The following BMPER variants were observed in gnomAD, a reference collection of about 807,000 sequenced individuals.
The protein encoded by BMPER is BMP-binding endothelial regulator protein.
BMPER carries 45 observed loss-of-function variants against 87.3 expected under a neutral mutation model. The observed-to-expected ratio is 0.52, with a 90% CI of 0.41 to 0.66. BMPER has a LOEUF of 0.66. Among genes scored for constraint, BMPER ranks in the 30% least tolerant of loss-of-function variants. The pLI is 0.00. For missense variants in BMPER, 784 were observed against 867.5 expected (o/e 0.90, Z 1.21); for synonymous variants, 326 against 316.2 (o/e 1.03, Z -0.33).
intron 6 of BMPER, among the ~76,000 whole-genome samples, chr7:34,008,663 C>T (rs964883178): frequency 6.6e-6 from 1 of 151,720 alleles, no homozygotes; most frequent in African/African-American, 2.4e-5. Context: ...GCTGGCTAGC[C>T]CCTCAAGAAT....
intron 13 of BMPER, among the ~76,000 whole-genome samples, chr7:34,087,941 A>G (rs1789263027): frequency 1.3e-5 from 2 of 152,238 alleles, no homozygotes. Flanking sequence ...TGCAACAGAA[A>G]TATGATGAGC....
intron 13 of BMPER, among the ~76,000 whole-genome samples, chr7:34,113,512 T>A (rs1790034909): frequency 6.6e-6 from 1 of 151,706 alleles, no homozygotes; most frequent in Non-Finnish European, 1.5e-5. Flanking sequence ...ATCTGGAATT[T>A]ATTTTGGCCA....
chr7:33,970,579 G>A (rs373741873), intron 5 of BMPER, among the ~76,000 whole-genome samples, 160 bp downstream of exon 5: 1 of 152,158 alleles, frequency 6.6e-6, no homozygotes, highest in South Asian at 2.1e-4. Flanking sequence ...CCGCTTGGCT[G>A]CCTCGGTGTG....
chr7:34,024,179 G>A (rs548683966), intron 6 of BMPER, among the ~76,000 whole-genome samples: 65 of 150,302 alleles, frequency 4.3e-4, no homozygotes, highest in African/African-American at 1.5e-3. Flanking sequence ...TCAACATGGT[G>A]AAACCCTGCA....
chr7:34,152,364 C>G (rs1045460338), intron 14 of BMPER, among the ~76,000 whole-genome samples: 1 of 152,134 alleles, frequency 6.6e-6, no homozygotes, highest in Non-Finnish European at 1.5e-5. Flanking sequence ...AGAAAACTTC[C>G]AGAATGTTTG....
At chr7:34,115,847 C>T (rs1395719814) in intron 13 of BMPER, among the ~76,000 whole-genome samples, 3 of 152,080 alleles carry the variant, frequency 2.0e-5, no homozygotes, top group Non-Finnish European at 4.4e-5. Flanking sequence ...AGGATCCATA[C>T]CTAGAAGTGA....
At chr7:33,991,486 A>G (rs1368920110) in intron 6 of BMPER, among the ~76,000 whole-genome samples, 6 of 151,722 alleles carry the variant, frequency 4.0e-5, no homozygotes, top group Admixed American at 2.0e-4. Context: ...TTTTTATTGC[A>G]TCTATTTGAT....
chr7:33,924,771 G>A (rs1784321866), intron 2 of BMPER, among the ~76,000 whole-genome samples: 2 of 152,162 alleles, frequency 1.3e-5, no homozygotes, highest in African/African-American at 2.4e-5. Flanking sequence ...GGGCTCAAGC[G>A]ATTCTCCTGC....
chr7:33,912,439 A>T (rs1409291424), intron 2 of BMPER, among the ~76,000 whole-genome samples: 1 of 152,126 alleles, frequency 6.6e-6, no homozygotes, highest in Non-Finnish European at 1.5e-5. Context: ...GTTTTGAGGC[A>T]CTGGACTTGA....
intron 13 of BMPER, among the ~76,000 whole-genome samples, chr7:34,129,577 G>GGAGAGAGAGAGAGA (rs759886152): frequency 1.7e-3 from 81 of 47,742 alleles, no homozygotes; most frequent in Middle Eastern, 0.012. Flanking sequence ...AAGGAAGGAA[G>GGAGAGAGAGAGAGA]GAGAGAGAGA....
At chr7:33,945,996 G>A (rs1784884955) in intron 3 of BMPER, among the ~76,000 whole-genome samples, 1 of 152,102 alleles carries the variant, frequency 6.6e-6, no homozygotes, top group South Asian at 2.1e-4. Context: ...GGGGGAAGGT[G>A]TTTTAGTCCT....
intron 11 of BMPER, among the ~76,000 whole-genome samples, chr7:34,075,732 G>A (rs986530295): frequency 6.6e-6 from 1 of 152,126 alleles, no homozygotes; most frequent in Non-Finnish European, 1.5e-5. Flanking sequence ...ATTTCACTGG[G>A]TCCACTGGAA....
At chr7:33,950,677 C>T (rs1784996748) in intron 3 of BMPER, among the ~76,000 whole-genome samples, 2 of 152,154 alleles carry the variant, frequency 1.3e-5, no homozygotes, top group Admixed American at 1.3e-4. Context: ...GATAATAACT[C>T]AAGTTACACC....
intron 3 of BMPER, chr7:33,937,678 A>G (rs1188645151): frequency 2.5e-5 from 11 of 435,228 alleles, no homozygotes; most frequent in Non-Finnish European, 4.3e-5. Flanking sequence ...AGAAGAGTCA[A>G]CCACCATGCC....
intron 13 of BMPER, among the ~76,000 whole-genome samples, chr7:34,110,636 A>G (rs920567419): frequency 2.6e-5 from 4 of 152,154 alleles, no homozygotes; most frequent in African/African-American, 9.7e-5. Flanking sequence ...TTTAGGATGG[A>G]AAGGTTTAGT....
intron 2 of BMPER, among the ~76,000 whole-genome samples, chr7:33,936,737 C>T (rs547009827): frequency 1.6e-4 from 25 of 152,296 alleles, no homozygotes; most frequent in Admixed American, 1.1e-3. Flanking sequence ...AAAACACTGA[C>T]GTCCATGTCT....
chr7:34,151,426 A>G (rs1259661710), intron 14 of BMPER, among the ~76,000 whole-genome samples: 1 of 152,220 alleles, frequency 6.6e-6, no homozygotes, highest in Non-Finnish European at 1.5e-5. Flanking sequence ...AGGTAGTAGT[A>G]TGTGTAAAGA....
At chr7:34,146,538 T>G (rs891021765) in intron 14 of BMPER, among the ~76,000 whole-genome samples, 4 of 152,224 alleles carry the variant, frequency 2.6e-5, no homozygotes, top group African/African-American at 9.6e-5. Context: ...TTCACTCTTT[T>G]TAAGCACTTC....
chr7:34,136,610 C>G (rs1465694419), intron 13 of BMPER, among the ~76,000 whole-genome samples: 1 of 152,190 alleles, frequency 6.6e-6, no homozygotes, highest in East Asian at 1.9e-4. Flanking sequence ...ACCTAAGATG[C>G]CTTCACTCAC....
Sources: allele counts gnomAD v4.1 joint callset (sites outside exome capture counted in the v4.1 genomes callset), GRCh38; gene constraint gnomAD v4.1.1; transcripts MANE v1.5; gene names NCBI Gene and HGNC (gene_info 2026-07-23, HGNC 2026-07-21).